Variants in ARHGAP26 observed in about 807,000 individuals in gnomAD.
The protein encoded by ARHGAP26 is rho GTPase-activating protein 26.
Under a neutral mutation model 104.8 loss-of-function variants are expected in ARHGAP26, and 38 were observed. That is an observed-to-expected ratio of 0.36 (90% CI 0.28 to 0.48). ARHGAP26 has a LOEUF of 0.48. ARHGAP26 is among the 20% of genes least tolerant of loss of function. The pLI is 0.99. For synonymous variants in ARHGAP26, 341 were observed against 340.0 expected (o/e 1.00, Z -0.03); for missense variants, 704 against 947.9 (o/e 0.74, Z 3.38).
At chr5:142,956,521 G>A (rs894832573) in intron 11 of ARHGAP26, among the ~76,000 whole-genome samples, 19 of 152,224 alleles carry the variant, frequency 1.2e-4, no homozygotes, top group African/African-American at 1.4e-4. Flanking sequence ...AGGCTGCAGC[G>A]AGCTATGATT....
At chr5:142,923,947 C>T (rs568642787) in intron 10 of ARHGAP26, among the ~76,000 whole-genome samples, 8 of 150,746 alleles carry the variant, frequency 5.3e-5, no homozygotes, top group Middle Eastern at 3.4e-3. Context: ...CTGCAAGCTC[C>T]GCCCCCCGGG....
At chr5:143,210,633 T>C (rs1809309173) in intron 21 of ARHGAP26, among the ~76,000 whole-genome samples, 2 of 152,212 alleles carry the variant, frequency 1.3e-5, no homozygotes, top group South Asian at 4.1e-4. Context: ...GTAACTTGCA[T>C]TTGCCCAGGG....
At chr5:143,044,917 A>T (rs573000893) in intron 14 of ARHGAP26, among the ~76,000 whole-genome samples, 46 of 152,298 alleles carry the variant, frequency 3.0e-4, no homozygotes, top group African/African-American at 1.1e-3. Context: ...TACAGAGAGA[A>T]TCAACAGGAC....
At chr5:143,052,167 C>T (rs768928014) in intron 14 of ARHGAP26, among the ~76,000 whole-genome samples, 14 of 152,104 alleles carry the variant, frequency 9.2e-5, no homozygotes, top group African/African-American at 2.4e-5. Context: ...TTCTGTAGCC[C>T]CAGAAATAAA....
In ARHGAP26 at chr5:143,115,766, A is replaced by G. The variant is rs186668371; in HGVS notation, c.1539-5222A>G. Among the ~76,000 whole-genome samples the G allele has an allele frequency of 7.3e-4, 111 of 152,264 alleles. 1 individual carries two copies. Among genetic ancestry groups the G allele is most frequent in the African/African-American group, 2.5e-3 (104 of 41,536 alleles). On this transcript the variant is annotated intron_variant, in intron 17 of 22. Coordinates refer to ENST00000645722, the MANE Select transcript of ARHGAP26 (RefSeq NM_001135608.3). ...CTACAAGCTACATATTATTGCTCCC[A>G]TTTTATATGTGAGGAAACAGGTTTA...
intron 20 of ARHGAP26, among the ~76,000 whole-genome samples, chr5:143,189,560 T>A (rs557803238): frequency 1.3e-5 from 2 of 151,636 alleles, no homozygotes; most frequent in East Asian, 3.9e-4. Context: ...ATAAGTAGTA[T>A]TTCCTAAATT....
intron 1 of ARHGAP26, among the ~76,000 whole-genome samples, chr5:142,806,661 C>T (rs545789263): frequency 4.8e-4 from 73 of 152,202 alleles, no homozygotes; most frequent in Middle Eastern, 6.8e-3. Context: ...GATGCCTGGA[C>T]GACATCACAG....
At chr5:142,856,592 T>A (rs1263629465) in intron 1 of ARHGAP26, among the ~76,000 whole-genome samples, 1 of 152,232 alleles carries the variant, frequency 6.6e-6, no homozygotes, top group African/African-American at 2.4e-5. Flanking sequence ...TATCTGTGGG[T>A]TCTGCATCCA....
chr5:142,816,947 G>A (rs1194411182), intron 1 of ARHGAP26, among the ~76,000 whole-genome samples: 2 of 152,092 alleles, frequency 1.3e-5, no homozygotes, highest in African/African-American at 2.4e-5. Context: ...GAGGGCTTAC[G>A]GAGAAACCTA....
At chr5:143,022,871 A>G (rs1780540727) in intron 12 of ARHGAP26, among the ~76,000 whole-genome samples, 1 of 152,204 alleles carries the variant, frequency 6.6e-6, no homozygotes, top group South Asian at 2.1e-4. Context: ...TCTTTGATCC[A>G]TTCTGCCATC....
intron 1 of ARHGAP26, among the ~76,000 whole-genome samples, chr5:142,816,969 T>C (rs1192372302): frequency 6.6e-6 from 1 of 151,920 alleles, no homozygotes; most frequent in Non-Finnish European, 1.5e-5. Flanking sequence ...AAGTGGGCTG[T>C]GTAGTGAGGA....
chr5:142,775,339 A>G (rs866103703), intron 1 of ARHGAP26, among the ~76,000 whole-genome samples: 5 of 151,738 alleles, frequency 3.3e-5, no homozygotes, highest in Non-Finnish European at 7.4e-5. Context: ...AAATTTAGCT[A>G]TTTCCTTATG....
chr5:143,146,751 A>G (rs541415995), intron 19 of ARHGAP26, among the ~76,000 whole-genome samples: 2 of 152,340 alleles, frequency 1.3e-5, no homozygotes, highest in African/African-American at 4.8e-5. Context: ...TAAATAGTAG[A>G]TCTTCTCTGG....
chr5:142,941,470 C>T (rs974940179), intron 11 of ARHGAP26, among the ~76,000 whole-genome samples: 1 of 152,194 alleles, frequency 6.6e-6, no homozygotes, highest in Admixed American at 6.5e-5. Flanking sequence ...TGCTCACCCA[C>T]CCCTGATGGC....
At chr5:143,063,328 C>G (rs568642609) in intron 17 of ARHGAP26, among the ~76,000 whole-genome samples, 1 of 152,222 alleles carries the variant, frequency 6.6e-6, no homozygotes, top group Admixed American at 6.5e-5. Context: ...GGCCTCCTCC[C>G]TATTGCTCTG....
rs964555916 is a variant in ARHGAP26, at chr5:143,213,299, C to A, written c.2100-698C>A. 3.3e-5 allele frequency among the ~76,000 whole-genome samples: 5 copies of A among 151,810 alleles called. No individual in the cohort carries two copies. In the East Asian group the frequency reaches 7.7e-4, roughly 24 times the overall value. ...GGACATGAGAAAAGCAAAAACAAAC[C>A]AAAAAAAATGCCTCATGTCCCCTCT... On this transcript the variant is annotated intron_variant, in intron 21 of 22. Coordinates refer to ENST00000645722, the MANE Select transcript of ARHGAP26 (RefSeq NM_001135608.3).
chr5:143,046,380 A>G (rs922407003), intron 14 of ARHGAP26, among the ~76,000 whole-genome samples: 3 of 152,184 alleles, frequency 2.0e-5, no homozygotes, highest in Admixed American at 1.3e-4. Context: ...TGTACTCTTA[A>G]TACATTGGAG....
At chr5:142,840,036 G>A (rs1357182817) in intron 1 of ARHGAP26, among the ~76,000 whole-genome samples, 1 of 152,208 alleles carries the variant, frequency 6.6e-6, no homozygotes, top group African/African-American at 2.4e-5. Context: ...CCACTGCCTG[G>A]TGGAGGAGTG....
intron 1 of ARHGAP26, among the ~76,000 whole-genome samples, chr5:142,775,052 G>A (rs1045035907): frequency 6.6e-6 from 1 of 152,046 alleles, no homozygotes; most frequent in Non-Finnish European, 1.5e-5. Flanking sequence ...TTTGCGTGCA[G>A]TTTATATGTG....
Sources: gnomAD v4.1 joint callset for allele counts (sites outside exome capture counted in the v4.1 genomes callset) on GRCh38, gnomAD v4.1.1 for gene constraint, MANE v1.5 for transcripts, NCBI Gene and HGNC (gene_info 2026-07-23, HGNC 2026-07-21) for gene names.